Variants in R3HCC1L observed in about 807,000 individuals in gnomAD.
R3HCC1L encodes the protein R3H domain and coiled-coil containing 1 like.
In R3HCC1L, 51 loss-of-function variants were observed where a neutral mutation model predicts 59.9. That is an observed-to-expected ratio of 0.85 (90% confidence interval 0.68 to 1.07). The LOEUF (loss-of-function observed/expected upper bound fraction) is 1.07. R3HCC1L is among the 50% of genes least tolerant of loss of function. The probability of loss-of-function intolerance (pLI) is 0.00; values close to 1 mark genes in which losing one functional copy is unlikely to be tolerated. For missense variants in R3HCC1L, 965 were observed against 933.0 expected (o/e 1.03, Z -0.45); for synonymous variants, 322 against 315.2 (o/e 1.02, Z -0.23).
At chr10:98,227,395 A>C (rs1855783774) in intron 5 of R3HCC1L, among the ~76,000 whole-genome samples, 1 of 152,136 alleles carries the variant, frequency 6.6e-6, no homozygotes, top group South Asian at 2.1e-4. Flanking sequence ...TTCCAAGGAA[A>C]GGAGATATAT....
At chr10:98,191,533 T>C (rs975841666) in intron 4 of R3HCC1L, among the ~76,000 whole-genome samples, 2 of 152,168 alleles carry the variant, frequency 1.3e-5, no homozygotes, top group South Asian at 2.1e-4. Context: ...GTTTAAGTTC[T>C]TTGTAGATTC....
chr10:98,153,803 C>G (rs1334286563), intron 1 of R3HCC1L, among the ~76,000 whole-genome samples: 1 of 135,138 alleles, frequency 7.4e-6, no homozygotes, highest in African/African-American at 2.8e-5. Context: ...TGTTTTACAT[C>G]AAAAAAAAAA....
intron 1 of R3HCC1L, among the ~76,000 whole-genome samples, chr10:98,151,372 A>G (rs1846141435): frequency 6.6e-6 from 1 of 152,160 alleles, no homozygotes; most frequent in Non-Finnish European, 1.5e-5. Flanking sequence ...CATTTGTAAA[A>G]TGGAGGTGGT....
At chr10:98,135,050 C>T (rs541509003) in intron 1 of R3HCC1L, among the ~76,000 whole-genome samples, 2 of 152,286 alleles carry the variant, frequency 1.3e-5, no homozygotes, top group East Asian at 1.9e-4. Context: ...CCTGGTTACC[C>T]CCTCGGGGCT....
intron 6 of R3HCC1L, among the ~76,000 whole-genome samples, chr10:98,231,965 T>G (rs566291819): frequency 6.6e-6 from 1 of 152,122 alleles, no homozygotes. Context: ...TTAATACATA[T>G]TGTAATTGTT....
chr10:98,164,225 CTTAAATAGTT>C (rs1357558437), intron 4 of R3HCC1L, among the ~76,000 whole-genome samples: 1 of 152,174 alleles, frequency 6.6e-6, no homozygotes, highest in African/African-American at 2.4e-5. Flanking sequence ...CGAATTTTCT[CTTAAATAGTT>C]TTGTGCAGCT....
rs201230928 is a variant in R3HCC1L at position 98,231,599 on chromosome 10, G to A, written c.1873G>A (p.Asp625Asn). The change falls in exon 6 of 10, where the codon GAT becomes AAT. Residue 625 changes from aspartate to asparagine, a missense_variant. Physicochemically the swap from Asp to Asn is conservative, Grantham distance 23. Transcript: ENST00000298999. Reference protein sequence around the residue: ...NHEVPDIDLSDCEFPHVIEIY... With the variant: ...NHEVPDIDLSNCEFPHVIEIY... ...TGAAGTTCCTGATATTGACCTCAGTGATTGTGAATTCCCACATGTCATTGA... is the reference window on the plus strand; with the variant it reads ...TGAAGTTCCTGATATTGACCTCAGTAATTGTGAATTCCCACATGTCATTGA... 32 of 1,612,552 alleles carry A rather than the reference G, an allele frequency of 2.0e-5. No homozygotes were observed. In the East Asian group the frequency reaches 6.9e-4, roughly 35 times the overall value.
At chr10:98,190,190 A>G (rs1050126889) in intron 4 of R3HCC1L, among the ~76,000 whole-genome samples, 2 of 152,176 alleles carry the variant, frequency 1.3e-5, no homozygotes, top group Admixed American at 6.5e-5. Flanking sequence ...TACAGACACA[A>G]TTTTTTTAAC....
At chr10:98,177,658 G>A (rs578022384) in intron 4 of R3HCC1L, among the ~76,000 whole-genome samples, 46 of 152,264 alleles carry the variant, frequency 3.0e-4, no homozygotes, top group African/African-American at 1.1e-3. Flanking sequence ...CAGTGTAGAA[G>A]TGTTCCTATT....
Position 98,163,349 on chromosome 10 carries a change from C to T in R3HCC1L, c.-63C>T, listed in dbSNP as rs185375222. On this transcript the variant is annotated 5_prime_UTR_variant, in exon 4 of 10. Coordinates refer to ENST00000298999, the MANE Select transcript of R3HCC1L (RefSeq NM_001351015.2). ...CAGTTTGCCTTCAGAGACAGTCTAT[C>T]GGCATGTTGTAGAGTTTTATTACTA... 92 of 1,292,282 alleles carry T rather than the reference C, an allele frequency of 7.1e-5. No individual in the cohort carries two copies. The East Asian group carries it at 2.0e-3, about 28-fold the overall frequency. 80.1% of individuals were successfully genotyped at this position (1,292,282 alleles called of 1,614,324 possible).
chr10:98,209,478 T>C lies in R3HCC1L; in HGVS notation c.1364T>C (p.Phe455Ser). 1 of 1,613,782 alleles carries C rather than the reference T, an allele frequency of 6.2e-7. No homozygotes were observed. The highest frequency in any genetic ancestry group is 8.5e-7 in the Non-Finnish European group (1 of 1,179,984). ...TATGGTGAGAGTATTTCATCTCATT[T>C]TACAGAGTCAACAGGAAAGTTGATA... ...DIYGESISSHFTESTGKLIES... is the reference protein window; with the variant it reads ...DIYGESISSHSTESTGKLIES... The change falls in exon 5 of 10, where the codon TTT (phenylalanine) becomes TCT (serine). Residue 455 changes from phenylalanine (F) to serine (S), a missense_variant. Physicochemically the swap from Phe to Ser is radical, Grantham distance 155. Transcript: ENST00000298999.
At chr10:98,193,139 A>AG (rs1851042953) in intron 4 of R3HCC1L, among the ~76,000 whole-genome samples, 1 of 152,170 alleles carries the variant, frequency 6.6e-6, no homozygotes, top group South Asian at 2.1e-4. Context: ...AACATAATAA[A>AG]GGTAATATGT....
intron 1 of R3HCC1L, 87 bp from the exon 2 acceptor site, chr10:98,156,006 C>T (rs796847690): frequency 9.2e-5 from 14 of 151,578 alleles, no homozygotes; most frequent in African/African-American, 2.9e-4. Context: ...AATAGCCCCT[C>T]GGTGCAGTTT....
At chr10:98,189,057 T>C (rs77197279) in intron 4 of R3HCC1L, among the ~76,000 whole-genome samples, 3,708 of 152,310 alleles carry the variant, frequency 0.024, 142 homozygotes, top group African/African-American at 0.08. Context: ...GTATTGAAGT[T>C]CATATATTTT....
intron 1 of R3HCC1L, among the ~76,000 whole-genome samples, chr10:98,137,959 T>G (rs1590360709): frequency 6.6e-6 from 1 of 152,310 alleles, no homozygotes; most frequent in Middle Eastern, 3.4e-3. Flanking sequence ...CTGGGAGACT[T>G]GGTGACCTTC....
intron 2 of R3HCC1L, among the ~76,000 whole-genome samples, chr10:98,159,523 C>A (rs1346177665): frequency 6.6e-6 from 1 of 152,134 alleles, no homozygotes; most frequent in Non-Finnish European, 1.5e-5. Flanking sequence ...ATTTTAGTAT[C>A]CATTTGTTGT....
At chr10:98,134,926 C>T (rs1261018686) in intron 1 of R3HCC1L, among the ~76,000 whole-genome samples, 1 of 152,194 alleles carries the variant, frequency 6.6e-6, no homozygotes, top group African/African-American at 2.4e-5. Flanking sequence ...GAGGGACCCT[C>T]CCGGGGCTCT....
intron 1 of R3HCC1L, among the ~76,000 whole-genome samples, chr10:98,138,555 T>C (rs571582510): frequency 2.0e-5 from 3 of 152,336 alleles, no homozygotes; most frequent in Admixed American, 6.5e-5. Flanking sequence ...TTAAACACTT[T>C]TGTTCCTTGA....
chr10:98,142,378 C>T (rs901845427), intron 1 of R3HCC1L, among the ~76,000 whole-genome samples: 3 of 151,692 alleles, frequency 2.0e-5, no homozygotes, highest in Admixed American at 6.6e-5. Flanking sequence ...TTTTTTGTAC[C>T]TGTAATCCCA....
Sources: allele counts gnomAD v4.1 joint callset (sites outside exome capture counted in the v4.1 genomes callset), GRCh38; gene constraint gnomAD v4.1.1; transcripts MANE v1.5; gene names NCBI Gene and HGNC (gene_info 2026-07-23, HGNC 2026-07-21).